Variants in FASTKD2 observed in about 807,000 individuals in gnomAD.
FASTKD2 encodes the protein FAST kinase domains 2.
A neutral mutation model predicts 63.6 loss-of-function variants in FASTKD2; 51 were observed. The ratio of observed to expected loss-of-function variants is 0.80; its 90% CI spans 0.64 to 1.01. The LOEUF is 1.01. Ranked by LOEUF, FASTKD2 falls within the 50% of genes least tolerant of loss-of-function variation. FASTKD2 has a pLI of 0.00. For missense variants in FASTKD2, 786 were observed against 831.1 expected, an observed-to-expected ratio of 0.95 and a Z score of 0.67; for synonymous variants, 284 against 293.4, an observed-to-expected ratio of 0.97 and a Z score of 0.33.
intron 9 of FASTKD2, 44 bp from the exon 10 acceptor site, chr2:206,788,775 T>A (rs768106201): frequency 1.1e-6 from 1 of 948,202 alleles, no homozygotes. Context: ...AGAAAGTCAC[T>A]TGGAGGAATG....
At chr2:206,787,062 G>GT (rs2105986306) in intron 8 of FASTKD2, among the ~76,000 whole-genome samples, 163 bp downstream of exon 8, 1 of 152,246 alleles carries the variant, frequency 6.6e-6, no homozygotes, top group African/African-American at 2.4e-5. Context: ...TCAAAGGATA[G>GT]TGCTTCAAAG....
chr2:206,783,703 G>A (rs566937711), intron 7 of FASTKD2, among the ~76,000 whole-genome samples: 6 of 152,242 alleles, frequency 3.9e-5, no homozygotes, highest in Non-Finnish European at 7.4e-5. Context: ...GATAACAAAG[G>A]TAACAAAGGC....
intron 7 of FASTKD2, among the ~76,000 whole-genome samples, chr2:206,776,981 T>C (rs1032248568): frequency 1.3e-4 from 19 of 151,194 alleles, no homozygotes; most frequent in African/African-American, 4.6e-4. Flanking sequence ...ATCAATTTCT[T>C]TGTAGTTTTC....
chr2:206,771,199 A>C lies in FASTKD2; in HGVS notation c.899A>C (p.Gln300Pro). The C allele has an allele frequency of 6.3e-7, 1 of 1,593,794 alleles. No homozygotes were observed. The highest frequency in any genetic ancestry group is 8.6e-7 in the Non-Finnish European group (1 of 1,161,726). Residue 300 changes from glutamine to proline, a missense_variant, in exon 4 of 12, where the codon CAA becomes CCA. Physicochemically the swap from Gln to Pro is moderately conservative, Grantham distance 76 (BLOSUM62 -1). Transcript: ENST00000402774. ...GATAACAGAATACTAGTTGATCAGCAAGTTTGGAAAATAGAAGATGTCTTC... is the reference window on the plus strand; with the variant it reads ...GATAACAGAATACTAGTTGATCAGCCAGTTTGGAAAATAGAAGATGTCTTC... ...RTGFRILVDQ[Q>P]VWKIEDVFTL... is the part of the protein sequence containing the mutation.
intron 5 of FASTKD2, 28 bp from the exon 6 acceptor site, chr2:206,772,153 T>C: frequency 2.5e-6 from 4 of 1,606,064 alleles, no homozygotes; most frequent in Non-Finnish European, 3.4e-6. Flanking sequence ...AGGTAATTTT[T>C]GTTTGTTTAT....
chr2:206,778,333 G>T (rs1389827537), intron 7 of FASTKD2, among the ~76,000 whole-genome samples: 1 of 150,606 alleles, frequency 6.6e-6, no homozygotes, highest in Non-Finnish European at 1.5e-5. Flanking sequence ...CATAATTTTG[G>T]GTATGTTGTG....
chr2:206,788,629 A>G (rs1330985816), intron 9 of FASTKD2, among the ~76,000 whole-genome samples, 190 bp from the exon 10 acceptor site: 1 of 151,348 alleles, frequency 6.6e-6, no homozygotes, highest in Non-Finnish European at 1.5e-5. Context: ...CAGCTACTCA[A>G]CAGGGTGGGG....
At chr2:206,770,057 C>T (rs747166642) in intron 2 of FASTKD2, 34 bp from the exon 3 acceptor site, 1 of 1,337,732 alleles carries the variant, frequency 7.5e-7, no homozygotes, top group South Asian at 1.2e-5. Flanking sequence ...ATGGGCTCAT[C>T]ACCTGTAGTG....
chr2:206,770,304 G>A (rs1344237339), intron 3 of FASTKD2, 110 bp downstream of exon 3: 3 of 765,450 alleles, frequency 3.9e-6, no homozygotes, highest in Non-Finnish European at 2.3e-6. Flanking sequence ...AGGAGGGGTT[G>A]GGGAGGCTTT....
intron 7 of FASTKD2, among the ~76,000 whole-genome samples, chr2:206,782,627 C>T (rs1690021429): frequency 6.6e-6 from 1 of 152,154 alleles, no homozygotes; most frequent in Non-Finnish European, 1.5e-5. Flanking sequence ...CATTAAAAAT[C>T]AGAAAAGCAT....
Position 206,771,957 on chromosome 2 carries a change from C to T in FASTKD2, c.1054C>T (p.Leu352=). Reference sequence around the variant, plus strand: ...GAATAGCCAACACATGTTTGAAGTACTAGCTGCCATGAATCACCGATCTCT... The same window carrying T: ...GAATAGCCAACACATGTTTGAAGTATTAGCTGCCATGAATCACCGATCTCT... The part of the protein sequence containing the change: ...VLNSQHMFEV[L]AAMNHRSLIL... The change falls in exon 5 of 12, where the codon CTA becomes TTA. Residue 352 remains leucine (L), a synonymous_variant. Transcript: ENST00000402774. The T allele has an allele frequency of 1.2e-6, 2 of 1,611,798 alleles. No individual in the cohort carries two copies. The highest frequency in any genetic ancestry group is 1.7e-6 in the Non-Finnish European group (2 of 1,177,882).
chr2:206,769,014 T>C (rs943021547), intron 2 of FASTKD2, among the ~76,000 whole-genome samples: 2 of 152,210 alleles, frequency 1.3e-5, no homozygotes, highest in South Asian at 4.1e-4. Flanking sequence ...TGGACAGATA[T>C]TTGCATCGGG....
At chr2:206,786,569 C>T (rs1209321614) in intron 7 of FASTKD2, 164 bp from the exon 8 acceptor site, 1 of 685,936 alleles carries the variant, frequency 1.5e-6, no homozygotes, top group South Asian at 1.6e-5. Flanking sequence ...CAGCAATAGC[C>T]AACATTTATT....
chr2:206,790,782 G>C (rs1690264077), intron 11 of FASTKD2, 96 bp downstream of exon 11: 1 of 796,312 alleles, frequency 1.3e-6, no homozygotes. Context: ...ACTAGGACTA[G>C]AGGAATTGTC....
chr2:206,781,285 C>T (rs2105980783), intron 7 of FASTKD2, among the ~76,000 whole-genome samples: 1 of 146,692 alleles, frequency 6.8e-6, no homozygotes, highest in African/African-American at 2.5e-5. Flanking sequence ...TTCTGGGGGC[C>T]TCTTAAACTT....
chr2:206,770,694 C>T (rs1340699695), intron 3 of FASTKD2, among the ~76,000 whole-genome samples: 1 of 145,966 alleles, frequency 6.9e-6, no homozygotes, highest in Admixed American at 6.9e-5. Context: ...CGCGCCACTG[C>T]ACTCCAGCCT....
At chr2:206,788,695 G>A (rs1690200580) in intron 9 of FASTKD2, 124 bp from the exon 10 acceptor site, 1 of 633,088 alleles carries the variant, frequency 1.6e-6, no homozygotes. Flanking sequence ...TCACACTACT[G>A]CACTCCAGCC....
At chr2:206,788,197 A>G in intron 9 of FASTKD2, 42 bp downstream of exon 9, 9 of 1,434,930 alleles carry the variant, frequency 6.3e-6, no homozygotes, top group Non-Finnish European at 8.6e-6. Flanking sequence ...TATTGTATTT[A>G]TTTTCCTTTT....
rs1213441608 is a variant in FASTKD2 at position 206,793,484 on chromosome 2, G to T, written c.*1682G>T. Among the ~76,000 whole-genome samples the T allele has an allele frequency of 6.6e-6, 1 of 152,084 alleles. No homozygotes were observed. The highest frequency in any genetic ancestry group is 1.5e-5 in the Non-Finnish European group (1 of 68,038). ...CTGCTCTTCAGCTTGTGTCCCAGGA[G>T]ATCAGGCTTCTGGTTCCAGATTGGA... On this transcript the variant is annotated 3_prime_UTR_variant, in exon 12 of 12. Coordinates refer to ENST00000402774, the MANE Select transcript of FASTKD2 (RefSeq NM_001136193.2).
Sources: allele counts gnomAD v4.1 joint callset (sites outside exome capture counted in the v4.1 genomes callset), GRCh38; gene constraint gnomAD v4.1.1; transcripts MANE v1.5; gene names NCBI Gene and HGNC (gene_info 2026-07-23, HGNC 2026-07-21).